The following WWC1 variants were observed in gnomAD, a reference collection of about 807,000 sequenced individuals.
WWC1 encodes WW and C2 domain containing 1.
Under a neutral mutation model 138.4 loss-of-function variants are expected in WWC1, and 55 were observed. That is an observed-to-expected ratio of 0.40 (90% CI 0.32 to 0.50). The LOEUF (loss-of-function observed/expected upper bound fraction) is 0.50, where lower values mean the gene tolerates loss of function less well. Ranked by LOEUF, WWC1 falls within the 20% of genes least tolerant of loss-of-function variation. The pLI, the probability that WWC1 is intolerant of heterozygous loss-of-function variation, is 0.72. For missense variants in WWC1, 1,226 were observed against 1,420.4 expected (o/e 0.86, Z 2.20); for synonymous variants, 524 against 564.9 (o/e 0.93, Z 1.03).
At chr5:168,433,810 T>C (rs530072722) in intron 15 of WWC1, among the ~76,000 whole-genome samples, 1 of 152,328 alleles carries the variant, frequency 6.6e-6, no homozygotes, top group Non-Finnish European at 1.5e-5. Context: ...AGTTCTGGGA[T>C]TACAGGTGTG....
chr5:168,340,843 A>G lies in WWC1; in HGVS notation c.120-30581A>G, dbSNP rs1773981411. On this transcript the variant is annotated intron_variant, in intron 1 of 22. Coordinates refer to ENST00000265293, the MANE Select transcript of WWC1 (RefSeq NM_015238.3). The stretch of plus-strand genomic sequence containing the variant: ...GTACATACATTTTTCTTTCTTTTGG[A>G]TATCTGGTAGGGACTATTTTTCTCC... Among the ~76,000 whole-genome samples the G allele has an allele frequency of 3.9e-5, 6 of 152,086 alleles. 1 individual carries two copies. The South Asian group carries it at 1.2e-3, about 32-fold the overall frequency.
At chr5:168,339,895 GTCTCTCTCTCTT>G (rs1561630395) in intron 1 of WWC1, among the ~76,000 whole-genome samples, 1 of 66,706 alleles carries the variant, frequency 1.5e-5, no homozygotes, top group South Asian at 5.5e-4. Context: ...CTCTCTCTCT[GTCTCTCTCTCTT>G]TCTCTCTCTC....
intron 6 of WWC1, among the ~76,000 whole-genome samples, 188 bp from the exon 7 acceptor site, chr5:168,408,319 G>A (rs924483665): frequency 3.3e-5 from 5 of 151,486 alleles, no homozygotes; most frequent in African/African-American, 9.7e-5. Flanking sequence ...CATAGGCCCA[G>A]CGCAGAGCCT....
At chr5:168,369,396 T>TG (rs1776564204) in intron 1 of WWC1, among the ~76,000 whole-genome samples, 1 of 152,232 alleles carries the variant, frequency 6.6e-6, no homozygotes, top group South Asian at 2.1e-4. Flanking sequence ...TTGTTGTTGT[T>TG]GTTGGTGGTG....
In WWC1 at chr5:168,437,230, C is replaced by T. The variant is rs77360357; in HGVS notation, c.2281-4452C>T. Among the ~76,000 whole-genome samples the T allele has an allele frequency of 3.6e-3, 551 of 152,246 alleles. 2 individuals are homozygous for T. The highest frequency in any genetic ancestry group is 0.013 in the African/African-American group (520 of 41,536). ...CTTCCACCCTATATAAATCCCATTA[C>T]CCTCTCTGCTGTCTTATCCCCTCCT... is the stretch of plus-strand genomic sequence containing the variant. On this transcript the variant is annotated intron_variant, in intron 15 of 22. Coordinates refer to ENST00000265293, the MANE Select transcript of WWC1 (RefSeq NM_015238.3).
At chr5:168,388,842 A>G (rs926516947) in intron 3 of WWC1, among the ~76,000 whole-genome samples, 1 of 151,674 alleles carries the variant, frequency 6.6e-6, no homozygotes, top group Non-Finnish European at 1.5e-5. Context: ...AAAAAAAAAC[A>G]AAAAACAAAA....
intron 3 of WWC1, among the ~76,000 whole-genome samples, chr5:168,393,137 A>G (rs953287327): frequency 6.6e-6 from 1 of 152,214 alleles, no homozygotes; most frequent in Non-Finnish European, 1.5e-5. Context: ...GACTACAAGG[A>G]CAGGAAATCT....
At chr5:168,465,334 C>T (rs946739114) in intron 21 of WWC1, among the ~76,000 whole-genome samples, 9 of 152,218 alleles carry the variant, frequency 5.9e-5, no homozygotes, top group Non-Finnish European at 8.8e-5. Context: ...TGACCTGCCT[C>T]GATGCCTGCC....
At chr5:168,445,274 A>G (rs926875789) in intron 17 of WWC1, among the ~76,000 whole-genome samples, 1 of 152,054 alleles carries the variant, frequency 6.6e-6, no homozygotes, top group African/African-American at 2.4e-5. Flanking sequence ...AGATTGCACC[A>G]CTGCACTCCA....
chr5:168,430,086 A>G, intron 13 of WWC1, 51 bp from the exon 14 acceptor site: 1 of 1,402,110 alleles, frequency 7.1e-7, no homozygotes, highest in Non-Finnish European at 1.0e-6. Context: ...AAGGAATGAG[A>G]GAGATGAGTG....
intron 21 of WWC1, among the ~76,000 whole-genome samples, chr5:168,465,763 G>T (rs879306887): frequency 6.6e-6 from 1 of 151,848 alleles, no homozygotes; most frequent in Non-Finnish European, 1.5e-5. Context: ...TCACCATGTT[G>T]CCCAGGCTGG....
chr5:168,300,931 G>T (rs181473119), intron 1 of WWC1, among the ~76,000 whole-genome samples: 12 of 152,252 alleles, frequency 7.9e-5, no homozygotes, highest in Admixed American at 7.8e-4. Flanking sequence ...TACATCTGTC[G>T]TGGCTTTTCT....
chr5:168,313,186 G>C (rs1379531460), intron 1 of WWC1, among the ~76,000 whole-genome samples: 4 of 152,130 alleles, frequency 2.6e-5, no homozygotes, highest in Admixed American at 1.3e-4. Flanking sequence ...GGTGGTTTCT[G>C]CCTCAAACCC....
intron 5 of WWC1, 76 bp from the exon 6 acceptor site, chr5:168,406,122 G>A: frequency 6.4e-7 from 1 of 1,561,244 alleles, no homozygotes; most frequent in Non-Finnish European, 8.7e-7. Flanking sequence ...AAGTCCTGTG[G>A]TCTGTGCTTT....
chr5:168,383,524 C>T (rs1777808342), intron 2 of WWC1, among the ~76,000 whole-genome samples: 1 of 152,154 alleles, frequency 6.6e-6, no homozygotes, highest in African/African-American at 2.4e-5. Flanking sequence ...GATTGGGAGG[C>T]ATAAACTCCA....
intron 1 of WWC1, among the ~76,000 whole-genome samples, chr5:168,303,492 C>T (rs1770276827): frequency 6.6e-6 from 1 of 151,954 alleles, no homozygotes; most frequent in Admixed American, 6.6e-5. Flanking sequence ...ACCTATAGTC[C>T]CAACTACACC....
chr5:168,349,440 T>C (rs780189757), intron 1 of WWC1, among the ~76,000 whole-genome samples: 1 of 152,228 alleles, frequency 6.6e-6, no homozygotes, highest in Non-Finnish European at 1.5e-5. Flanking sequence ...TTTTCTTCCC[T>C]GTAAAAGATT....
At chr5:168,452,656 A>G (rs77149128) in intron 17 of WWC1, among the ~76,000 whole-genome samples, 4,484 of 152,262 alleles carry the variant, frequency 0.029, 253 homozygotes, top group African/African-American at 0.1. Context: ...ATGAAAACCT[A>G]TATTCATGCA....
At chr5:168,368,701 G>GAT (rs1421365647) in intron 1 of WWC1, among the ~76,000 whole-genome samples, 2 of 152,216 alleles carry the variant, frequency 1.3e-5, no homozygotes, top group African/African-American at 4.8e-5. Flanking sequence ...GGCTTTGTTA[G>GAT]ATGAGGTGAT....
Sources: allele counts gnomAD v4.1 joint callset (sites outside exome capture counted in the v4.1 genomes callset), GRCh38; gene constraint gnomAD v4.1.1; transcripts MANE v1.5; gene names NCBI Gene and HGNC (gene_info 2026-07-23, HGNC 2026-07-21).